The following TMEM182 variants were observed in gnomAD, a reference collection of about 807,000 sequenced individuals.
The protein encoded by TMEM182 is transmembrane protein 182.
TMEM182 carries 20 observed loss-of-function variants against 26.8 expected under a neutral mutation model. The ratio of observed to expected loss-of-function variants is 0.75; its 90% CI spans 0.53 to 1.09. The LOEUF (loss-of-function observed/expected upper bound fraction) is 1.09. Ranked by LOEUF, TMEM182 falls within the 50% of genes least tolerant of loss-of-function variation. TMEM182 has a pLI of 0.00. For synonymous variants in TMEM182, 109 were observed against 102.2 expected, an observed-to-expected ratio of 1.07 and a Z score of -0.40; for missense variants, 277 against 275.5, an observed-to-expected ratio of 1.01 and a Z score of -0.04.
Position 102,782,135 on chromosome 2 carries a change from A to C in TMEM182, c.332-15728A>C, listed in dbSNP as rs909042757. Among the ~76,000 whole-genome samples the C allele has an allele frequency of 5.3e-5, 8 of 152,116 alleles. No homozygotes were observed. In the East Asian group the frequency reaches 1.4e-3, roughly 26 times the overall value. ...AGCGTGGCCAACGTGGCGAAACCCC[A>C]TCTCTACTAAAAATACAAAAATTAG... On this transcript the variant is annotated intron_variant, in intron 3 of 4. Coordinates refer to ENST00000412401, the MANE Select transcript of TMEM182 (RefSeq NM_144632.5).
At chr2:102,791,005 G>A (rs1009538770) in intron 3 of TMEM182, among the ~76,000 whole-genome samples, 5 of 151,854 alleles carry the variant, frequency 3.3e-5, no homozygotes, top group Admixed American at 1.3e-4. Context: ...GCACCATCTC[G>A]GCTCACTGCA....
chr2:102,802,560 C>T (rs971158494), intron 4 of TMEM182, among the ~76,000 whole-genome samples: 5 of 152,334 alleles, frequency 3.3e-5, no homozygotes, highest in African/African-American at 1.2e-4. Flanking sequence ...TCACAGAGAA[C>T]TCTTAGATAC....
chr2:102,839,811 G>A (rs1489598410), intron 3 of TMEM182, among the ~76,000 whole-genome samples: 4 of 152,090 alleles, frequency 2.6e-5, no homozygotes, highest in African/African-American at 9.7e-5. Context: ...CTCAGCGTGC[G>A]ACTTCTGAAG....
chr2:102,779,598 C>A (rs575119682), intron 3 of TMEM182, among the ~76,000 whole-genome samples: 116 of 152,282 alleles, frequency 7.6e-4, no homozygotes, highest in South Asian at 1.4e-3. Flanking sequence ...CTGTCCCCTT[C>A]ATTCAGCTGT....
chr2:102,825,943 G>A (rs1683023120), intron 3 of TMEM182, among the ~76,000 whole-genome samples: 1 of 152,182 alleles, frequency 6.6e-6, no homozygotes, highest in Admixed American at 6.5e-5. Context: ...CTTCCTAATA[G>A]CAGAGAGAAG....
rs1482410312 is a variant in TMEM182, at chr2:102,752,688, G to A, written c.-82-5701G>A. 2.6e-5 allele frequency among the ~76,000 whole-genome samples: 4 copies of A among 152,188 alleles called. No homozygotes were observed. The South Asian group carries it at 8.3e-4, about 31-fold the overall frequency. ...CCTTTGGGCCATATGACCTGAACTT[G>A]CTGGGTCATTAGAGCCTCTTACAAG... is the stretch of plus-strand genomic sequence containing the variant. On this transcript the variant is annotated intron_variant, in intron 1 of 5. Transcript: ENST00000409173.
intron 3 of TMEM182, among the ~76,000 whole-genome samples, chr2:102,767,726 A>G (rs2110667): frequency 0.24 from 36,475 of 152,092 alleles, 4,454 homozygotes; most frequent in South Asian, 0.28. Context: ...TACAGTTACT[A>G]TTTTCTGCAA....
intron 1 of TMEM182, chr2:102,737,112 T>A (rs1386219399): frequency 2.8e-6 from 1 of 361,390 alleles, no homozygotes; most frequent in Non-Finnish European, 5.0e-6. Context: ...GAGGGAATTG[T>A]ATTGAGCTTC....
At chr2:102,749,834 TA>T (rs1277505962) in intron 1 of TMEM182, among the ~76,000 whole-genome samples, 1 of 152,070 alleles carries the variant, frequency 6.6e-6, no homozygotes, top group Non-Finnish European at 1.5e-5. Flanking sequence ...AATTTTTATG[TA>T]AAAAATACAA....
At position 102,765,996 on chromosome 2, in the gene TMEM182, C is replaced by G. The variant is rs78319096; in HGVS notation, c.331+1569C>G. Among the ~76,000 whole-genome samples the G allele has an allele frequency of 2.0e-3, 302 of 152,216 alleles. 1 individual carries two copies. Among genetic ancestry groups the G allele is most frequent in the African/African-American group, 6.9e-3 (286 of 41,536 alleles). On this transcript the variant is annotated intron_variant, in intron 3 of 4. Transcript: ENST00000412401. Reference sequence around the variant, plus strand: ...GAAACTCTTTTGTTTTACAGACAAGCTAGAAAATGATGCTCCTTCCCCAAC... The same window carrying G: ...GAAACTCTTTTGTTTTACAGACAAGGTAGAAAATGATGCTCCTTCCCCAAC...
intron 3 of TMEM182, among the ~76,000 whole-genome samples, chr2:102,781,246 G>A (rs1412972063): frequency 6.6e-6 from 1 of 152,214 alleles, no homozygotes; most frequent in Non-Finnish European, 1.5e-5. Context: ...TGGGGTGTAA[G>A]GGAAAGAGCA....
At chr2:102,820,206 G>A (rs1682891566), downstream of TMEM182, among the ~76,000 whole-genome samples, 2 of 152,180 alleles carry the variant, frequency 1.3e-5, no homozygotes, top group African/African-American at 4.8e-5. Context: ...TGTTTGGAGA[G>A]TTGATTTCAA....
At chr2:102,812,092 C>G (rs1682574610) in intron 4 of TMEM182, among the ~76,000 whole-genome samples, 1 of 152,202 alleles carries the variant, frequency 6.6e-6, no homozygotes, top group Admixed American at 6.5e-5. Context: ...CATGAAGTCA[C>G]ACTGATATAT....
chr2:102,809,109 C>A (rs568867692), intron 4 of TMEM182, among the ~76,000 whole-genome samples: 23 of 152,226 alleles, frequency 1.5e-4, no homozygotes, highest in African/African-American at 4.3e-4. Context: ...TACTTTTGCC[C>A]ATTAGGAAAA....
At chr2:102,779,957 T>G (rs571872184) in intron 3 of TMEM182, among the ~76,000 whole-genome samples, 1 of 152,238 alleles carries the variant, frequency 6.6e-6, no homozygotes, top group Non-Finnish European at 1.5e-5. Flanking sequence ...GAGCCGAGAT[T>G]GCGTCATTGC....
At chr2:102,747,095 G>A (rs1225153769) in intron 1 of TMEM182, among the ~76,000 whole-genome samples, 2 of 152,116 alleles carry the variant, frequency 1.3e-5, no homozygotes, top group Non-Finnish European at 2.9e-5. Flanking sequence ...TTCCTCACAC[G>A]GTCACCCTGG....
intron 3 of TMEM182, among the ~76,000 whole-genome samples, chr2:102,770,844 A>C (rs995946088): frequency 6.6e-6 from 1 of 152,222 alleles, no homozygotes; most frequent in Non-Finnish European, 1.5e-5. Context: ...AAGGCAAAAT[A>C]AACTACAAAC....
chr2:102,823,160 T>A (rs1468663409), intron 3 of TMEM182, among the ~76,000 whole-genome samples: 1 of 152,196 alleles, frequency 6.6e-6, no homozygotes, highest in Non-Finnish European at 1.5e-5. Context: ...TCTGGAAGGT[T>A]CCATCTTGCT....
At chr2:102,823,540 G>A (rs369699278) in intron 3 of TMEM182, among the ~76,000 whole-genome samples, 1 of 151,930 alleles carries the variant, frequency 6.6e-6, no homozygotes, top group Non-Finnish European at 1.5e-5. Context: ...TCACTATGTT[G>A]GCCAGGCTGG....
Sources: gnomAD v4.1 joint callset for allele counts (sites outside exome capture counted in the v4.1 genomes callset) on GRCh38, gnomAD v4.1.1 for gene constraint, MANE v1.5 for transcripts, NCBI Gene and HGNC (gene_info 2026-07-23, HGNC 2026-07-21) for gene names.